PRKACB: variants seen among roughly 807,000 people sequenced by gnomAD.
The protein encoded by PRKACB is protein kinase cAMP-activated catalytic subunit beta, also known as cAMP-dependent protein kinase catalytic subunit beta.
In PRKACB, 16 loss-of-function variants were observed where a neutral mutation model predicts 51.4. The observed-to-expected ratio is 0.31, with a 90% CI of 0.21 to 0.47. The LOEUF is 0.47. Among genes scored for constraint, PRKACB ranks in the 20% least tolerant of loss-of-function variants. The pLI, the probability that PRKACB is intolerant of heterozygous loss-of-function variation, is 1.00. For missense variants in PRKACB, 309 were observed against 464.5 expected, an observed-to-expected ratio of 0.67 and a Z score of 3.08; for synonymous variants, 147 against 154.4, an observed-to-expected ratio of 0.95 and a Z score of 0.35.
At chr1:84,109,936 C>T (rs1312145556) in intron 1 of PRKACB, among the ~76,000 whole-genome samples, 1 of 151,774 alleles carries the variant, frequency 6.6e-6, no homozygotes, top group Non-Finnish European at 1.5e-5. Context: ...AAAAAATTAA[C>T]TTTTTATATA....
At chr1:84,232,240 A>G (rs1226351840) in intron 9 of PRKACB, among the ~76,000 whole-genome samples, 34 of 151,438 alleles carry the variant, frequency 2.2e-4, no homozygotes, top group Non-Finnish European at 4.7e-4. Flanking sequence ...TTTGAGTGAG[A>G]TTCTTAATCC....
chr1:84,172,534 T>C (rs2100837083), intron 1 of PRKACB, among the ~76,000 whole-genome samples: 1 of 151,770 alleles, frequency 6.6e-6, no homozygotes, highest in South Asian at 2.1e-4. Context: ...GTACATATGA[T>C]TAGTTGTGAA....
chr1:84,164,662 C>T, intron 1 of PRKACB: 2 of 1,396,478 alleles, frequency 1.4e-6, no homozygotes, highest in Non-Finnish European at 1.9e-6. Context: ...TTGAGAACAT[C>T]TTATACATCC....
At chr1:84,203,288 GTT>G (rs1364139849) in intron 8 of PRKACB, among the ~76,000 whole-genome samples, 1 of 151,960 alleles carries the variant, frequency 6.6e-6, no homozygotes, top group Non-Finnish European at 1.5e-5. Context: ...TAACAGAATT[GTT>G]CATATAGATT....
chr1:84,214,103 A>C, intron 8 of PRKACB, 50 bp from the exon 9 acceptor site: 1 of 1,458,038 alleles, frequency 6.9e-7, no homozygotes, highest in Non-Finnish European at 9.1e-7. Context: ...CAAAACAGAA[A>C]TATCATGAGT....
chr1:84,158,439 T>G (rs1311968042), intron 1 of PRKACB, among the ~76,000 whole-genome samples: 2 of 152,216 alleles, frequency 1.3e-5, no homozygotes, highest in African/African-American at 4.8e-5. Flanking sequence ...GAGCATATTT[T>G]CAAGTTTTTA....
intron 1 of PRKACB, among the ~76,000 whole-genome samples, chr1:84,171,521 A>C (rs1659460967): frequency 6.6e-6 from 1 of 151,690 alleles, no homozygotes; most frequent in Non-Finnish European, 1.5e-5. Flanking sequence ...GGAATTTTCC[A>C]GAGCATTGAA....
intron 1 of PRKACB, among the ~76,000 whole-genome samples, chr1:84,111,715 C>A: frequency 6.6e-6 from 1 of 151,298 alleles, no homozygotes; most frequent in Admixed American, 6.6e-5. Flanking sequence ...TACCCCTGAA[C>A]TTAAAAGTTA....
intron 2 of PRKACB, among the ~76,000 whole-genome samples, chr1:84,180,991 T>A (rs915222861): frequency 3.3e-5 from 5 of 151,964 alleles, no homozygotes; most frequent in Non-Finnish European, 7.4e-5. Context: ...ATTAAATTAA[T>A]TCAGTCAGAA....
At chr1:84,144,726 A>T (rs1653808480) in intron 1 of PRKACB, among the ~76,000 whole-genome samples, 178 bp downstream of exon 1, 1 of 152,200 alleles carries the variant, frequency 6.6e-6, no homozygotes, top group African/African-American at 2.4e-5. Flanking sequence ...GAGCTGAATC[A>T]TTCAGCTTTC....
chr1:84,218,728 T>C lies in PRKACB; in HGVS notation c.1071+4411T>C, dbSNP rs187484255. ...TGAAAAATCTCTGTACTATTTTCCA[T>C]AGTAGCTGTACTAACTTACATTTTT... On this transcript the variant is annotated intron_variant, in intron 9 of 9. Coordinates refer to ENST00000370685, the MANE Select transcript of PRKACB (RefSeq NM_182948.4). Among the ~76,000 whole-genome samples the C allele has an allele frequency of 1.9e-3, 285 of 152,352 alleles. 1 individual carries two copies. The highest frequency in any genetic ancestry group is 5.7e-3 in the African/African-American group (235 of 41,584).
At chr1:84,102,638 T>C (rs1405990024) in intron 1 of PRKACB, among the ~76,000 whole-genome samples, 1 of 152,132 alleles carries the variant, frequency 6.6e-6, no homozygotes, top group Non-Finnish European at 1.5e-5. Context: ...TTAATGTTGA[T>C]TGAAAGGGTC....
At chr1:84,197,475 A>G (rs1668539282) in intron 6 of PRKACB, among the ~76,000 whole-genome samples, 1 of 152,092 alleles carries the variant, frequency 6.6e-6, no homozygotes. Context: ...CTAGGATCTT[A>G]TAATAATGAC....
upstream of PRKACB, chr1:84,144,149 A>T: frequency 1.0e-6 from 1 of 957,774 alleles, no homozygotes; most frequent in Non-Finnish European, 1.4e-6. Context: ...GCAAGTTTTT[A>T]AAATCCTCAA....
chr1:84,149,286 G>A (rs1326404024), intron 1 of PRKACB, among the ~76,000 whole-genome samples: 2 of 151,180 alleles, frequency 1.3e-5, no homozygotes, highest in Non-Finnish European at 2.9e-5. Context: ...TTTAAACAGA[G>A]TCTTACCGTG....
intron 9 of PRKACB, among the ~76,000 whole-genome samples, chr1:84,234,734 G>C (rs971904666): frequency 6.6e-6 from 1 of 152,218 alleles, no homozygotes; most frequent in Non-Finnish European, 1.5e-5. Context: ...CTGACCCCTT[G>C]CGCTTCCTGA....
chr1:84,089,559 AT>A (rs1171680582), intron 1 of PRKACB, among the ~76,000 whole-genome samples: 1 of 152,036 alleles, frequency 6.6e-6, no homozygotes, highest in East Asian at 1.9e-4. Context: ...CTTACTTCTT[AT>A]TCATCAAATA....
At chr1:84,224,173 G>T (rs1674200076) in intron 9 of PRKACB, among the ~76,000 whole-genome samples, 1 of 152,204 alleles carries the variant, frequency 6.6e-6, no homozygotes, top group South Asian at 2.1e-4. Context: ...TGGGGACAGG[G>T]ACACCAGGCA....
chr1:84,233,415 T>A, intron 9 of PRKACB, among the ~76,000 whole-genome samples: 1 of 137,398 alleles, frequency 7.3e-6, no homozygotes. Flanking sequence ...TCTCGAGGAG[T>A]ATCTTTGTGG....
Sources: allele counts gnomAD v4.1 joint callset (sites outside exome capture counted in the v4.1 genomes callset), GRCh38; gene constraint gnomAD v4.1.1; transcripts MANE v1.5; gene names NCBI Gene and HGNC (gene_info 2026-07-23, HGNC 2026-07-21).